SERINC2: variants seen among roughly 807,000 people sequenced by gnomAD.
The protein encoded by SERINC2 is serine incorporator 2.
SERINC2 carries 56 observed loss-of-function variants against 54.2 expected under a neutral mutation model. The observed-to-expected ratio is 1.03, with a 90% CI of 0.83 to 1.29. The LOEUF is 1.29. SERINC2 is among the 50% of genes most tolerant of loss of function. SERINC2 has a pLI of 0.00. For synonymous variants in SERINC2, 272 were observed against 253.1 expected (o/e 1.07, Z -0.71); for missense variants, 614 against 607.4 (o/e 1.01, Z -0.12).
chr1:31,421,774 G>A (rs1012667179), intron 1 of SERINC2, among the ~76,000 whole-genome samples: 3 of 152,208 alleles, frequency 2.0e-5, no homozygotes, highest in Non-Finnish European at 4.4e-5. Flanking sequence ...CCAGTGTCCT[G>A]TTCCTGACTG....
Position 31,424,665 on chromosome 1 carries a change from CTCTG to C in SERINC2, c.202-10_202-7del, listed in dbSNP as rs1338115604. On this transcript the variant is annotated splice_polypyrimidine_tract_variant and intron_variant, in intron 2 of 9. Coordinates refer to ENST00000373709, the MANE Select transcript of SERINC2 (RefSeq NM_178865.5). The stretch of plus-strand genomic sequence containing the variant: ...TGTGAGAGGTGGGGCTTTGACGCTG[CTCTG>C]TCTGTCTCCACAGCTGCCCTGGGTG... The C allele has an allele frequency of 2.5e-6, 4 of 1,573,072 alleles. No individual in the cohort carries two copies. The highest frequency in any genetic ancestry group is 2.6e-6 in the Non-Finnish European group (3 of 1,158,666).
At chr1:31,411,898 G>T (rs575906774), upstream of SERINC2, among the ~76,000 whole-genome samples, 3 of 151,430 alleles carry the variant, frequency 2.0e-5, no homozygotes, top group East Asian at 5.8e-4. Context: ...CTACTTGGGA[G>T]GCTGAGGTGG....
chr1:31,409,935 C>T (rs782585891), upstream of SERINC2: 10 of 1,282,670 alleles, frequency 7.8e-6, no homozygotes, highest in Non-Finnish European at 1.1e-5. Flanking sequence ...TTTGAAAACT[C>T]AGGCCCAGTG....
At chr1:31,422,316 A>C (rs948458791) in intron 1 of SERINC2, among the ~76,000 whole-genome samples, 15 of 151,908 alleles carry the variant, frequency 9.9e-5, no homozygotes, top group African/African-American at 2.9e-4. Flanking sequence ...AAAAAACAAA[A>C]AAAGAAGAAA....
intron 6 of SERINC2, among the ~76,000 whole-genome samples, chr1:31,427,824 C>CTTTTTTTTTTTTTTT (rs71035099): frequency 3.9e-5 from 3 of 76,574 alleles, no homozygotes; most frequent in African/African-American, 1.2e-4. Context: ...TTCTTTCTTT[C>CTTTTTTTTTTTTTTT]TTTTTTTTTT....
At chr1:31,414,658 G>A (rs12729234) in intron 1 of SERINC2, 436,755 of 985,056 alleles carry the variant, frequency 0.44, 98,095 homozygotes, top group East Asian at 0.65. Context: ...GCTGGTGCCT[G>A]AAATCCCTCC....
chr1:31,426,616 C>T (rs1201160564), intron 5 of SERINC2, 38 bp from the exon 6 acceptor site: 3 of 1,554,256 alleles, frequency 1.9e-6, no homozygotes, highest in African/African-American at 2.7e-5. Context: ...CCTCCTGCCC[C>T]ACCCACTGCC....
At position 31,413,959 on chromosome 1, in the gene SERINC2, T is replaced by C; in HGVS notation, c.39+655T>C. 1 of 1,528,698 alleles carries C rather than the reference T, an allele frequency of 6.5e-7. No homozygotes were observed. The highest frequency in any genetic ancestry group is 8.7e-7 in the Non-Finnish European group (1 of 1,144,204). The allele number at this position is 1,528,698 out of a possible 1,614,324, so 94.7% of individuals were successfully genotyped here. A position where few individuals can be genotyped will look rare whatever the true frequency, so the allele number is the denominator to read the frequency against. ...TCCTCAGTCTGGCTCGCGCTGCCTC[T>C]CAGGCACTTCCCCAGCTCGCCCCGG... On this transcript the variant is annotated intron_variant, in intron 1 of 9. Transcript: ENST00000373709. This position sits in a 1 kb window ranked among gnomAD's most constrained non-coding sequence, Gnocchi z 5.0.
rs1641238710 is a variant in SERINC2, at chr1:31,431,876, ACAGGG to A, written c.1014-1090_1014-1086del. Among the ~76,000 whole-genome samples, 24 of 133,476 alleles carry A rather than the reference ACAGGG, an allele frequency of 1.8e-4. 2 individuals are homozygous for A. The highest frequency in any genetic ancestry group is 5.2e-4 in the East Asian group (2 of 3,870). 87.6% of individuals were successfully genotyped at this position (133,476 alleles called of 152,430 possible). On this transcript the variant is annotated intron_variant, in intron 8 of 9. Coordinates refer to ENST00000373709, the MANE Select transcript of SERINC2 (RefSeq NM_178865.5). ...AGGGTGGATAGGGTGGATAGGGTGG[ACAGGG>A]TGGACAGGGTGGATAGGGTGGATAG...
intron 5 of SERINC2, among the ~76,000 whole-genome samples, chr1:31,426,194 C>G (rs1298719803): frequency 6.6e-6 from 1 of 152,092 alleles, no homozygotes; most frequent in Non-Finnish European, 1.5e-5. Flanking sequence ...GTGTGGGACG[C>G]CCTTTTGGTG....
rs782631486 is a variant in SERINC2 at position 31,434,531 on chromosome 1, CG to C, written c.*336del. 5 of 318,514 alleles carry C rather than the reference CG, an allele frequency of 1.6e-5. No individual in the cohort carries two copies. Among genetic ancestry groups the C allele is most frequent in the Admixed American group, 4.6e-5 (1 of 21,744 alleles). The allele number at this position is 318,514 out of a possible 1,614,324, so 19.7% of individuals were successfully genotyped here. On this transcript the variant is annotated 3_prime_UTR_variant, in exon 10 of 10. Transcript: ENST00000373709. ...ACGGGAGCGGGGCTGCTGGAGAGAG[CG>C]GGGAACTCCCACCACAGTGGGGCAT...
chr1:31,418,457 C>A (rs759169919), intron 1 of SERINC2, among the ~76,000 whole-genome samples: 7 of 152,154 alleles, frequency 4.6e-5, no homozygotes, highest in Non-Finnish European at 8.8e-5. Flanking sequence ...CTCACTGCAA[C>A]TTCTGCCTCC....
rs201043698 is a variant in SERINC2, at chr1:31,426,649, C to A, written c.611-5C>A. ...GCCTACCCTCTCACTACCCCTCTGG[C>A]CCAGGCCTCTTCTTCTTCACTCTCC... On this transcript the variant is annotated splice_region_variant and splice_polypyrimidine_tract_variant and intron_variant, in intron 5 of 9. Transcript: ENST00000373709. The A allele has an allele frequency of 1.2e-6, 2 of 1,604,290 alleles. No homozygotes were observed. The highest frequency in any genetic ancestry group is 1.7e-6 in the Non-Finnish European group (2 of 1,172,646).
At chr1:31,411,410 G>A (rs1459910355), upstream of SERINC2, among the ~76,000 whole-genome samples, 1 of 152,100 alleles carries the variant, frequency 6.6e-6, no homozygotes, top group East Asian at 1.9e-4. Flanking sequence ...CTACTTCTTT[G>A]TTTCTCGGTT....
Position 31,413,304 on chromosome 1 carries a change from C to A in SERINC2, c.39C>A (p.Cys13Ter). Residue 13 changes from cysteine to a stop codon, truncating the protein, a stop_gained and splice_region_variant, in exon 1 of 10, where the codon TGC becomes TGA. Transcript: ENST00000373709. LOFTEE classifies it high-confidence loss of function. The surrounding 1 kb of genome is among the most constrained non-coding windows in gnomAD (Gnocchi z 5.0). ...TGGGAGCCTGCTCCCTGCTCAGCTG[C>A]GTGAGTCCCGACCCCGGCGCCCGCC... The part of the protein sequence containing the change: ...ACLGACSLLS[C>*]ASCLCGSAPC... 7.8e-7 allele frequency: 1 copy of A among 1,276,084 alleles called. No individual in the cohort carries two copies. Among genetic ancestry groups the A allele is most frequent in the Non-Finnish European group, 9.9e-7 (1 of 1,013,358 alleles). The allele number at this position is 1,276,084 out of a possible 1,614,324, so 79.0% of individuals were successfully genotyped here.
chr1:31,413,222 G>C lies in SERINC2; in HGVS notation c.-44G>C. ...CCGGCACCCGGATCCCGAGGTCCGC[G>C]CCCCGCGCCCGGCGCCGGGCGCCCG... On this transcript the variant is annotated 5_prime_UTR_variant, in exon 1 of 10. Transcript: ENST00000373709. The surrounding 1 kb of genome is among the most constrained non-coding windows in gnomAD (Gnocchi z 5.0). The C allele has an allele frequency of 1.8e-6, 2 of 1,112,088 alleles. No homozygotes were observed. The highest frequency in any genetic ancestry group is 1.0e-4 in the East Asian group (2 of 20,100). 68.9% of individuals were successfully genotyped at this position (1,112,088 alleles called of 1,614,324 possible). A position where few individuals can be genotyped will look rare whatever the true frequency, so the allele number is the denominator to read the frequency against.
At chr1:31,421,859 T>C (rs567294689) in intron 1 of SERINC2, among the ~76,000 whole-genome samples, 2 of 152,344 alleles carry the variant, frequency 1.3e-5, no homozygotes, top group South Asian at 4.1e-4. Context: ...TCACCAAGCT[T>C]TGGCCACGAG....
intron 8 of SERINC2, among the ~76,000 whole-genome samples, chr1:31,431,128 T>G (rs1310792339): frequency 2.4e-5 from 3 of 124,778 alleles, no homozygotes; most frequent in South Asian, 6.0e-4. Flanking sequence ...CCCCCTCCTC[T>G]CTCTTTTCTT....
At chr1:31,432,341 A>C (rs900549713) in intron 8 of SERINC2, among the ~76,000 whole-genome samples, 1 of 151,912 alleles carries the variant, frequency 6.6e-6, no homozygotes, top group African/African-American at 2.4e-5. Flanking sequence ...GTTTTTCAAA[A>C]ATTTTTATGT....
Sources: gnomAD v4.1 joint callset for allele counts (sites outside exome capture counted in the v4.1 genomes callset) on GRCh38, gnomAD v4.1.1 for gene constraint, Gnocchi (gnomAD v3.1) non-coding constraint, MANE v1.5 for transcripts, NCBI Gene and HGNC (gene_info 2026-07-23, HGNC 2026-07-21) for gene names.